ANKRD30A: variants seen among roughly 807,000 people sequenced by gnomAD.
The protein encoded by ANKRD30A is ankyrin repeat domain-containing protein 30A.
In ANKRD30A, 170 loss-of-function variants were observed where a neutral mutation model predicts 166.3. The ratio of observed to expected loss-of-function variants is 1.02; its 90% CI spans 0.90 to 1.16. The LOEUF (loss-of-function observed/expected upper bound fraction) is 1.16. ANKRD30A is among the 50% of genes most tolerant of loss of function. The probability of loss-of-function intolerance (pLI) is 0.00; values close to 1 mark genes in which losing one functional copy is unlikely to be tolerated. For missense variants in ANKRD30A, 1,630 were observed against 1,518.0 expected (o/e 1.07, Z -1.23); for synonymous variants, 564 against 508.9 (o/e 1.11, Z -1.46).
At chr10:37,154,730 G>C (rs561342246) in intron 13 of ANKRD30A, among the ~76,000 whole-genome samples, 4 of 152,168 alleles carry the variant, frequency 2.6e-5, no homozygotes. Flanking sequence ...AAGCCAGCTA[G>C]ATGATTTTGG....
the ANKRD30A span, chr10:37,242,059 C>T: frequency 1.3e-5 from 2 of 152,110 alleles, no homozygotes; most frequent in Non-Finnish European, 2.9e-5. Flanking sequence ...AGTTTTATTA[C>T]TTGTCTATAA....
At chr10:37,150,760 T>G (rs561882086) in intron 11 of ANKRD30A, among the ~76,000 whole-genome samples, 29 of 152,248 alleles carry the variant, frequency 1.9e-4, no homozygotes, top group African/African-American at 5.5e-4. Flanking sequence ...TTTATGCTGA[T>G]AAGTAATAAA....
chr10:37,203,142 A>G (rs1230910095), intron 31 of ANKRD30A, among the ~76,000 whole-genome samples: 2 of 152,214 alleles, frequency 1.3e-5, no homozygotes, highest in Non-Finnish European at 2.9e-5. Flanking sequence ...TTATGAGGCC[A>G]GCATCATCCT....
intron 27 of ANKRD30A, among the ~76,000 whole-genome samples, chr10:37,193,800 G>A (rs1229301991): frequency 6.6e-6 from 1 of 152,144 alleles, no homozygotes; most frequent in Non-Finnish European, 1.5e-5. Flanking sequence ...TGACCCCAAA[G>A]CATTTGGCCT....
At chr10:37,164,898 A>G (rs373745962) in intron 17 of ANKRD30A, among the ~76,000 whole-genome samples, 196 bp from the exon 18 acceptor site, 2 of 152,228 alleles carry the variant, frequency 1.3e-5, no homozygotes, top group East Asian at 1.9e-4. Flanking sequence ...TAATGACATA[A>G]TGTTAATTGT....
chr10:37,153,881 A>G (rs1352793614), intron 13 of ANKRD30A, among the ~76,000 whole-genome samples: 2 of 152,210 alleles, frequency 1.3e-5, no homozygotes, highest in South Asian at 2.1e-4. Context: ...TGAATTCAAG[A>G]TATTGCAAGA....
At chr10:37,131,449 A>T (rs777469113) in intron 3 of ANKRD30A, among the ~76,000 whole-genome samples, 22 of 152,176 alleles carry the variant, frequency 1.4e-4, no homozygotes, top group Non-Finnish European at 2.6e-4. Context: ...TTGTCTTGTA[A>T]TAGGAGAAAC....
At chr10:37,135,769 G>A (rs1836644119) in intron 5 of ANKRD30A, among the ~76,000 whole-genome samples, 1 of 152,054 alleles carries the variant, frequency 6.6e-6, no homozygotes, top group Non-Finnish European at 1.5e-5. Flanking sequence ...AGTAATAGAG[G>A]ATAATCAGGT....
intron 1 of ANKRD30A, among the ~76,000 whole-genome samples, chr10:37,126,383 AG>A (rs1836012014): frequency 6.6e-6 from 1 of 152,262 alleles, no homozygotes; most frequent in Admixed American, 6.5e-5. Flanking sequence ...AGATAATGTT[AG>A]ATACATTATG....
chr10:37,208,270 A>G (rs1238534863), intron 31 of ANKRD30A, among the ~76,000 whole-genome samples: 1 of 152,122 alleles, frequency 6.6e-6, no homozygotes, highest in Non-Finnish European at 1.5e-5. Context: ...GTATCCAAAC[A>G]TCAAGCCAGT....
At chr10:37,229,777 CTTTT>C (rs1441777400) in intron 34 of ANKRD30A, among the ~76,000 whole-genome samples, 1 of 151,078 alleles carries the variant, frequency 6.6e-6, no homozygotes, top group Non-Finnish European at 1.5e-5. Flanking sequence ...GATTTGTTTT[CTTTT>C]TAATTTTAAT....
chr10:37,178,845 T>C (rs1839940522), intron 24 of ANKRD30A, among the ~76,000 whole-genome samples: 1 of 150,856 alleles, frequency 6.6e-6, no homozygotes, highest in East Asian at 1.9e-4. Context: ...TGATTTTGGA[T>C]TTTCTATGAA....
intron 24 of ANKRD30A, among the ~76,000 whole-genome samples, chr10:37,177,493 T>TGTGAG (rs1839823199): frequency 6.9e-6 from 1 of 144,904 alleles, no homozygotes; most frequent in Non-Finnish European, 1.5e-5. Context: ...GAGAGGGTTA[T>TGTGAG]GTGAGGTTTT....
At chr10:37,149,596 G>T (rs1469285345) in intron 9 of ANKRD30A, 55 bp from the exon 10 acceptor site, 2 of 1,559,974 alleles carry the variant, frequency 1.3e-6, no homozygotes, top group African/African-American at 2.7e-5. Flanking sequence ...GCATTCATTT[G>T]GTTGGCATTG....
intron 19 of ANKRD30A, among the ~76,000 whole-genome samples, chr10:37,167,732 G>T (rs546092215): frequency 6.6e-6 from 1 of 151,546 alleles, no homozygotes; most frequent in Non-Finnish European, 1.5e-5. Context: ...TCCAGTATAT[G>T]GGTATGAAAA....
the ANKRD30A span, among the ~76,000 whole-genome samples, chr10:37,240,667 C>G: frequency 1.3e-5 from 2 of 152,096 alleles, no homozygotes; most frequent in Admixed American, 1.3e-4. Context: ...TTGGCATTTG[C>G]TCCTCCCTTC....
intron 1 of ANKRD30A, 68 bp downstream of exon 1, chr10:37,126,076 AGTCGGGGGCTGG>A (rs1241951523): frequency 1.3e-6 from 2 of 1,520,698 alleles, no homozygotes; most frequent in African/African-American, 1.4e-5. Flanking sequence ...GCCCCTTCAG[AGTCGGGGGCTGG>A]GGGGCCTGGG....
chr10:37,139,179 G>A (rs1405981351), intron 6 of ANKRD30A, among the ~76,000 whole-genome samples: 1 of 152,234 alleles, frequency 6.6e-6, no homozygotes, highest in Non-Finnish European at 1.5e-5. Flanking sequence ...CAAATGCTGA[G>A]AGATTTTGTC....
At chr10:37,134,613 A>C (rs1588751138) in intron 5 of ANKRD30A, among the ~76,000 whole-genome samples, 1 of 152,144 alleles carries the variant, frequency 6.6e-6, no homozygotes, top group Admixed American at 6.5e-5. Context: ...TAAAGTTCAC[A>C]TACATATTCT....
Sources: allele counts gnomAD v4.1 joint callset (sites outside exome capture counted in the v4.1 genomes callset), GRCh38; gene constraint gnomAD v4.1.1; transcripts MANE v1.5; gene names NCBI Gene and HGNC (gene_info 2026-07-23, HGNC 2026-07-21).